Variants in RECK observed in about 807,000 individuals in gnomAD.
The protein encoded by RECK is reversion-inducing cysteine-rich protein with Kazal motifs.
Under a neutral mutation model 115.1 loss-of-function variants are expected in RECK, and 69 were observed. The observed-to-expected ratio is 0.60, with a 90% CI of 0.49 to 0.73. The LOEUF is 0.73. RECK is among the 30% of genes least tolerant of loss of function. The pLI, the probability that RECK is intolerant of heterozygous loss-of-function variation, is 0.00. For synonymous variants in RECK, 414 were observed against 419.7 expected, an observed-to-expected ratio of 0.99 and a Z score of 0.17; for missense variants, 1,047 against 1,203.7, an observed-to-expected ratio of 0.87 and a Z score of 1.93.
intron 6 of RECK, among the ~76,000 whole-genome samples, chr9:36,067,505 A>G (rs989053248): frequency 2.0e-5 from 3 of 152,140 alleles, no homozygotes; most frequent in African/African-American, 7.2e-5. Flanking sequence ...TTGCTAAGAA[A>G]TTTACTTAAA....
rs1425588435 is a variant in RECK at position 36,063,837 on chromosome 9, G to A, written c.314G>A (p.Cys105Tyr). The A allele has an allele frequency of 6.2e-7, 1 of 1,614,076 alleles. No individual in the cohort carries two copies. The highest frequency in any genetic ancestry group is 1.1e-5 in the South Asian group (1 of 91,090). The change falls in exon 5 of 21, where the codon TGT becomes TAT. Residue 105 changes from cysteine to tyrosine, a missense_variant. Physicochemically the swap from Cys to Tyr is radical, Grantham distance 194. Coordinates refer to ENST00000377966, the MANE Select transcript of RECK (RefSeq NM_021111.3). ...KSDGWVGLGC[C>Y]ELAIALECRQ... is the part of the protein sequence containing the mutation. The stretch of plus-strand genomic sequence containing the variant: ...GATGGCTGGGTTGGCTTAGGCTGCT[G>A]TGAACTGGCTATTGCCTTGGAGTGT...
intron 6 of RECK, among the ~76,000 whole-genome samples, chr9:36,078,982 G>T (rs759247839): frequency 6.6e-6 from 1 of 151,874 alleles, no homozygotes; most frequent in Admixed American, 6.6e-5. Context: ...TGCAACCTCC[G>T]CCTCCCAGGT....
At chr9:36,049,528 A>T (rs1821204059) in intron 1 of RECK, among the ~76,000 whole-genome samples, 1 of 152,210 alleles carries the variant, frequency 6.6e-6, no homozygotes, top group African/African-American at 2.4e-5. Flanking sequence ...TAATGTTTTA[A>T]GAAAGTTTAC....
chr9:36,066,832 G>T, intron 6 of RECK: 2 of 1,289,492 alleles, frequency 1.6e-6, no homozygotes, highest in Non-Finnish European at 2.0e-6. Flanking sequence ...GCCCTAGGAA[G>T]TCTGCCAGTA....
chr9:36,083,243 C>A (rs370634952), intron 7 of RECK, 122 bp from the exon 8 acceptor site: 3 of 1,006,076 alleles, frequency 3.0e-6, no homozygotes, highest in Non-Finnish European at 4.4e-6. Flanking sequence ...AAGTGTTCAT[C>A]GTCTGTGGCA....
At chr9:36,067,443 G>A (rs1308760270) in intron 6 of RECK, among the ~76,000 whole-genome samples, 1 of 152,126 alleles carries the variant, frequency 6.6e-6, no homozygotes, top group African/African-American at 2.4e-5. Context: ...ATTTGGAGGA[G>A]CTAATGTTTT....
chr9:36,120,190 G>A (rs1195856351), intron 18 of RECK, among the ~76,000 whole-genome samples: 3 of 151,858 alleles, frequency 2.0e-5, no homozygotes, highest in African/African-American at 4.8e-5. Flanking sequence ...AGCCGAGATC[G>A]CGCCACTGCA....
At chr9:36,116,914 T>C (rs1426709817) in intron 16 of RECK, 71 bp from the exon 17 acceptor site, 15 of 1,245,612 alleles carry the variant, frequency 1.2e-5, no homozygotes, top group Admixed American at 3.9e-5. Context: ...CTATCCCTCA[T>C]CTAGTGCTTT....
At chr9:36,083,224 G>A in intron 7 of RECK, 141 bp from the exon 8 acceptor site, 1 of 798,322 alleles carries the variant, frequency 1.3e-6, no homozygotes, top group Non-Finnish European at 2.0e-6. Context: ...CTACAGAAGT[G>A]CCGATTTTAA....
At chr9:36,092,269 A>G (rs1823185694) in intron 10 of RECK, among the ~76,000 whole-genome samples, 1 of 152,210 alleles carries the variant, frequency 6.6e-6, no homozygotes, top group Non-Finnish European at 1.5e-5. Context: ...TTGTATGAGA[A>G]TAACAGTCCT....
intron 1 of RECK, among the ~76,000 whole-genome samples, chr9:36,039,179 C>A (rs982022590): frequency 2.0e-5 from 3 of 151,920 alleles, no homozygotes; most frequent in Non-Finnish European, 2.9e-5. Flanking sequence ...AAAAAAAATT[C>A]CAAGTTTGAT....
In RECK at chr9:36,091,237, G is replaced by A; in HGVS notation, c.979G>A (p.Glu327Lys). The A allele has an allele frequency of 1.9e-6, 3 of 1,613,998 alleles. No homozygotes were observed. Among genetic ancestry groups the A allele is most frequent in the Non-Finnish European group, 2.5e-6 (3 of 1,179,934 alleles). The change falls in exon 10 of 21, where the codon GAA becomes AAA. Residue 327 changes from glutamate to lysine, a missense_variant. Coordinates refer to ENST00000377966, the MANE Select transcript of RECK (RefSeq NM_021111.3). ...QSWQEFDRFCEYNPVEVSMLT... is the reference protein window; with the variant it reads ...QSWQEFDRFCKYNPVEVSMLT... ...TTGGCAAGAGTTTGATCGCTTTTGT[G>A]AATATAATCCAGTGGAAGTGTCCAT... is the stretch of plus-strand genomic sequence containing the variant.
At chr9:36,103,603 T>G (rs2132654453) in intron 12 of RECK, among the ~76,000 whole-genome samples, 1 of 152,350 alleles carries the variant, frequency 6.6e-6, no homozygotes, top group Non-Finnish European at 1.5e-5. Flanking sequence ...TTGGAGATCT[T>G]TTAGTAATCA....
At chr9:36,110,485 G>A (rs1234604693) in intron 15 of RECK, among the ~76,000 whole-genome samples, 1 of 152,010 alleles carries the variant, frequency 6.6e-6, no homozygotes. Context: ...TCTTCATCTA[G>A]ACTCCCACAA....
chr9:36,066,652 TTTC>T, intron 6 of RECK: 1 of 391,956 alleles, frequency 2.6e-6, no homozygotes, highest in Non-Finnish European at 4.2e-6. Context: ...AGATCTTTAT[TTTC>T]TTATCTCTCT....
intron 6 of RECK, among the ~76,000 whole-genome samples, chr9:36,080,079 T>G (rs7030320): frequency 6.6e-6 from 1 of 152,158 alleles, no homozygotes; most frequent in East Asian, 1.9e-4. Flanking sequence ...TTTCAAGTCT[T>G]GTTTAAAATT....
Position 36,104,385 on chromosome 9 carries a change from GC to G in RECK, c.1436-755del, listed in dbSNP as rs1564131003. Among the ~76,000 whole-genome samples, 9 of 105,148 alleles carry G rather than the reference GC, an allele frequency of 8.6e-5. No homozygotes were observed. The South Asian group carries it at 3.0e-3, about 35-fold the overall frequency. 69.0% of individuals were successfully genotyped at this position (105,148 alleles called of 152,430 possible). A position where few individuals can be genotyped will look rare whatever the true frequency, so the allele number is the denominator to read the frequency against. On this transcript the variant is annotated intron_variant, in intron 12 of 20. Transcript: ENST00000377966. ...TTTTGAGATGGAATCTTACTCTGTT[GC>G]CCAGGCTGGAGTGCAGTAGTGCAAT...
intron 1 of RECK, among the ~76,000 whole-genome samples, chr9:36,040,649 T>A (rs1032578639): frequency 6.6e-5 from 10 of 151,778 alleles, no homozygotes; most frequent in Non-Finnish European, 1.3e-4. Context: ...GGGGTAAGAG[T>A]ATAAGCAGGA....
At chr9:36,098,687 G>A (rs1289246739) in intron 10 of RECK, among the ~76,000 whole-genome samples, 1 of 152,076 alleles carries the variant, frequency 6.6e-6, no homozygotes, top group South Asian at 2.1e-4. Flanking sequence ...CCAAAAAATG[G>A]GGGAGAGGAA....
Sources: allele counts gnomAD v4.1 joint callset (sites outside exome capture counted in the v4.1 genomes callset), GRCh38; gene constraint gnomAD v4.1.1; transcripts MANE v1.5; gene names NCBI Gene and HGNC (gene_info 2026-07-23, HGNC 2026-07-21).